The following RFX6 variants were observed in gnomAD, a reference collection of about 807,000 sequenced individuals.
The protein encoded by RFX6 is DNA-binding protein RFX6.
In RFX6, 50 loss-of-function variants were observed where a neutral mutation model predicts 110.8. That is an observed-to-expected ratio of 0.45 (90% CI 0.36 to 0.57). The LOEUF (loss-of-function observed/expected upper bound fraction) is 0.57, where lower values mean the gene tolerates loss of function less well. Among genes scored for constraint, RFX6 ranks in the 20% least tolerant of loss-of-function variants. The probability of loss-of-function intolerance (pLI) is 0.00; values close to 1 mark genes in which losing one functional copy is unlikely to be tolerated. For synonymous variants in RFX6, 383 were observed against 411.2 expected (o/e 0.93, Z 0.83); for missense variants, 990 against 1,127.0 (o/e 0.88, Z 1.74).
chr6:116,911,911 T>A (rs1039587881), intron 7 of RFX6, among the ~76,000 whole-genome samples: 10 of 152,170 alleles, frequency 6.6e-5, no homozygotes, highest in Non-Finnish European at 1.3e-4. Context: ...TTAAAAAAAA[T>A]TTATTGGCAT....
intron 10 of RFX6, 91 bp from the exon 11 acceptor site, chr6:116,919,046 A>C (rs1166245882): frequency 1.7e-6 from 2 of 1,189,600 alleles, no homozygotes; most frequent in Admixed American, 1.7e-5. Context: ...CTGCTTATGA[A>C]ACCATAGAAT....
rs762356403 is a variant in RFX6 at position 116,927,531 on chromosome 6, C to T, written c.2390C>T (p.Ser797Leu). 10 of 1,613,220 alleles carry T rather than the reference C, an allele frequency of 6.2e-6. No individual in the cohort carries two copies. The South Asian group carries it at 1.1e-4, about 18-fold the overall frequency. ...CAAGGAGCAACACTGCCTCCTAATT[C>T]ACCAAATGGTATTGATATTTAAAAG... is the stretch of plus-strand genomic sequence containing the variant. ...SCQGATLPPN[S>L]PNGYYGSNIN... is the part of the protein sequence containing the mutation. The change falls in exon 17 of 19, where the codon TCA (serine) becomes TTA (leucine). Residue 797 changes from serine to leucine, a missense_variant. By Grantham distance (145) the Ser-to-Leu change is moderately radical (BLOSUM62 -2). This residue lies in a region of RFX6 where 438 missense variants were observed against 441.9 expected (regional missense o/e 0.99). Transcript: ENST00000332958.
intron 4 of RFX6, chr6:116,885,153 G>A (rs1244188716): frequency 6.6e-6 from 1 of 152,000 alleles, no homozygotes; most frequent in Non-Finnish European, 1.5e-5. Context: ...CTTTAAAGTT[G>A]GACAACTTTA....
chr6:116,922,637 A>T (rs1208468832), intron 13 of RFX6, among the ~76,000 whole-genome samples: 1 of 152,176 alleles, frequency 6.6e-6, no homozygotes, highest in Non-Finnish European at 1.5e-5. Flanking sequence ...CAATAAGAAC[A>T]AATATATCCA....
chr6:116,909,154 G>A (rs1376817011), intron 6 of RFX6, among the ~76,000 whole-genome samples: 2 of 151,928 alleles, frequency 1.3e-5, no homozygotes, highest in Non-Finnish European at 2.9e-5. Context: ...GGAAATAAGA[G>A]TATTCCTTTA....
At chr6:116,918,332 T>C (rs1483980026) in intron 10 of RFX6, among the ~76,000 whole-genome samples, 1 of 152,034 alleles carries the variant, frequency 6.6e-6, no homozygotes, top group African/African-American at 2.4e-5. Flanking sequence ...TTAAGCACTG[T>C]TGATCTTCGA....
At chr6:116,880,513 A>G (rs764952110) in intron 2 of RFX6, 31 bp from the exon 3 acceptor site, 4 of 1,598,592 alleles carry the variant, frequency 2.5e-6, no homozygotes, top group Middle Eastern at 1.7e-4. Context: ...GAAATAAAAT[A>G]TTTGACCTAA....
At chr6:116,920,034 G>A (rs1274777133) in intron 11 of RFX6, among the ~76,000 whole-genome samples, 2 of 152,062 alleles carry the variant, frequency 1.3e-5, no homozygotes, top group Non-Finnish European at 2.9e-5. Flanking sequence ...TAGGGTACAT[G>A]TGCACATCGT....
At chr6:116,908,555 A>T (rs1775259267) in intron 6 of RFX6, among the ~76,000 whole-genome samples, 1 of 152,068 alleles carries the variant, frequency 6.6e-6, no homozygotes, top group African/African-American at 2.4e-5. Context: ...GAGAGCAGGC[A>T]AATTTACCTT....
At chr6:116,931,243 T>C (rs1775877385) in intron 18 of RFX6, 88 bp from the exon 19 acceptor site, 2 of 982,292 alleles carry the variant, frequency 2.0e-6, no homozygotes, top group Non-Finnish European at 3.3e-6. Flanking sequence ...AGTGCAAAAA[T>C]AAATACAGGG....
At chr6:116,921,496 T>C (rs1292014210) in intron 12 of RFX6, among the ~76,000 whole-genome samples, 1 of 152,162 alleles carries the variant, frequency 6.6e-6, no homozygotes, top group African/African-American at 2.4e-5. Context: ...CCCTAGTATG[T>C]GAATACACAT....
At chr6:116,919,352 C>T (rs1775543367) in intron 11 of RFX6, 56 bp downstream of exon 11, 1 of 1,490,096 alleles carries the variant, frequency 6.7e-7, no homozygotes, top group Non-Finnish European at 9.4e-7. Flanking sequence ...AATGAATCTT[C>T]TGAGAAGGAC....
chr6:116,899,314 G>T (rs914365904), intron 6 of RFX6, among the ~76,000 whole-genome samples: 28 of 152,222 alleles, frequency 1.8e-4, no homozygotes, highest in Non-Finnish European at 2.8e-4. Flanking sequence ...ATTTGAGTGG[G>T]TAATTAATTT....
intron 6 of RFX6, among the ~76,000 whole-genome samples, chr6:116,900,792 C>G (rs943216415): frequency 6.6e-6 from 1 of 151,620 alleles, no homozygotes; most frequent in Non-Finnish European, 1.5e-5. Flanking sequence ...TTTTGTGTGG[C>G]TGAATATTAT....
At chr6:116,922,254 G>A (rs1290489860) in intron 13 of RFX6, 103 bp downstream of exon 13, 2 of 729,954 alleles carry the variant, frequency 2.7e-6, no homozygotes, top group Non-Finnish European at 5.0e-6. Context: ...AAGGCTGTGT[G>A]TGTAAAGGCT....
chr6:116,919,089 A>G, intron 10 of RFX6, 48 bp from the exon 11 acceptor site: 1 of 1,503,810 alleles, frequency 6.6e-7, no homozygotes, highest in South Asian at 1.1e-5. Context: ...ATGATTGTTT[A>G]ATGCATTTTT....
In RFX6 at chr6:116,916,189, C is replaced by T. The variant is rs775407823; in HGVS notation, c.859-12C>T. The T allele has an allele frequency of 1.9e-6, 3 of 1,599,956 alleles. No homozygotes were observed. In the Admixed American group the frequency reaches 5.0e-5, roughly 27 times the overall value. On this transcript the variant is annotated splice_polypyrimidine_tract_variant and intron_variant, in intron 8 of 18. Transcript: ENST00000332958. Reference sequence around the variant, plus strand: ...GAAAAAAATCTTAACATACTTTTTACTCTGCAACTAGATCCAGCATTTTTT... The same window carrying T: ...GAAAAAAATCTTAACATACTTTTTATTCTGCAACTAGATCCAGCATTTTTT...
intron 4 of RFX6, among the ~76,000 whole-genome samples, chr6:116,890,709 GT>G (rs1232489238): frequency 6.6e-6 from 1 of 152,134 alleles, no homozygotes; most frequent in African/African-American, 2.4e-5. Context: ...TCAGGTGTCA[GT>G]TTGTGTATGG....
chr6:116,881,043 A>G (rs546825519), intron 3 of RFX6, among the ~76,000 whole-genome samples: 1 of 152,056 alleles, frequency 6.6e-6, no homozygotes, highest in South Asian at 2.1e-4. Context: ...TACCTAGTCC[A>G]AATATATGAG....
Sources: gnomAD v4.1 joint callset for allele counts (sites outside exome capture counted in the v4.1 genomes callset) on GRCh38, gnomAD v4.1.1 for gene constraint, gnomAD v4.1.1 regional missense constraint, MANE v1.5 for transcripts, NCBI Gene and HGNC (gene_info 2026-07-23, HGNC 2026-07-21) for gene names.